Variants in RAB40B observed in about 807,000 individuals in gnomAD.
RAB40B encodes RAB40B, member RAS oncogene family, also known as ras-related protein Rab-40B.
RAB40B carries 21 observed loss-of-function variants against 24.0 expected under a neutral mutation model. The observed-to-expected ratio is 0.88, with a 90% CI of 0.62 to 1.26. RAB40B has a LOEUF of 1.26. Ranked by LOEUF, RAB40B falls within the 50% of genes most tolerant of loss-of-function variation. The pLI is 0.00. For synonymous variants in RAB40B, 167 were observed against 169.8 expected (o/e 0.98, Z 0.13); for missense variants, 348 against 390.5 (o/e 0.89, Z 0.92).
chr17:82,691,915 G>A (rs1367099046), intron 1 of RAB40B, among the ~76,000 whole-genome samples: 1 of 152,200 alleles, frequency 6.6e-6, no homozygotes, highest in Non-Finnish European at 1.5e-5. Flanking sequence ...ACGGAAATGG[G>A]GTCCAGGCCA....
chr17:82,656,854 A>T lies in RAB40B; in HGVS notation c.*1009T>A, dbSNP rs947087555. The T allele has an allele frequency of 1.3e-5, 2 of 152,166 alleles. No individual in the cohort carries two copies. Among genetic ancestry groups the T allele is most frequent in the African/African-American group, 4.8e-5 (2 of 41,404 alleles). The allele number at this position is 152,166 out of a possible 1,614,324, so 9.4% of individuals were successfully genotyped here. ...CATGGTGAAACCCCATCTCTACTAA[A>T]AATACAAAAATTAGCCGGGCGTGGT... On this transcript the variant is annotated 3_prime_UTR_variant, in exon 6 of 6. Coordinates refer to ENST00000571995, the MANE Select transcript of RAB40B (RefSeq NM_006822.3).
At chr17:82,677,343 C>T (rs2046404594) in intron 1 of RAB40B, among the ~76,000 whole-genome samples, 2 of 152,326 alleles carry the variant, frequency 1.3e-5, no homozygotes, top group East Asian at 1.9e-4. Flanking sequence ...CTCAGCCCAT[C>T]GTAAAAGCTC....
chr17:82,690,294 G>A (rs1240927477), intron 1 of RAB40B, among the ~76,000 whole-genome samples: 1 of 151,658 alleles, frequency 6.6e-6, no homozygotes, highest in Non-Finnish European at 1.5e-5. Context: ...GGGAAGATCT[G>A]CAGAATTGGA....
chr17:82,664,495 C>T lies in RAB40B; in HGVS notation c.203+1G>A. On this transcript the variant is annotated splice_donor_variant, in intron 2 of 5. Transcript: ENST00000571995. LOFTEE classifies it high-confidence loss of function. ...GACGCTCGCACCTCCTCCAGACTCA[C>T]CAGAGCTGCAGCTTCACCCGCCGCC... The T allele has an allele frequency of 6.2e-7, 1 of 1,613,086 alleles. No individual in the cohort carries two copies. Among genetic ancestry groups the T allele is most frequent in the Middle Eastern group, 1.7e-4 (1 of 5,770 alleles).
chr17:82,682,383 G>A (rs2046456337), intron 1 of RAB40B, among the ~76,000 whole-genome samples: 1 of 152,108 alleles, frequency 6.6e-6, no homozygotes, highest in Non-Finnish European at 1.5e-5. Context: ...TATATTAAAA[G>A]CTACAAACCA....
At chr17:82,689,438 C>G (rs901623294) in intron 1 of RAB40B, among the ~76,000 whole-genome samples, 7 of 152,164 alleles carry the variant, frequency 4.6e-5, no homozygotes, top group African/African-American at 1.7e-4. Flanking sequence ...CCTCTCCCAG[C>G]CTGTCACTGG....
chr17:82,660,031 C>T (rs2046142498), intron 3 of RAB40B, among the ~76,000 whole-genome samples: 1 of 152,226 alleles, frequency 6.6e-6, no homozygotes. Flanking sequence ...CACTTGTGCA[C>T]AGATGCACGC....
chr17:82,662,104 G>A lies in RAB40B; in HGVS notation c.204-1057C>T, dbSNP rs567552967. ...ACCTCACGGATGAGCGGTGGGACGC[G>A]GCATGGTTTTGCTGTTTGTGTCACA... On this transcript the variant is annotated intron_variant, in intron 2 of 5. Transcript: ENST00000571995. 3.5e-5 allele frequency: 34 copies of A among 985,396 alleles called. No homozygotes were observed. The East Asian group carries it at 1.8e-3, about 53-fold the overall frequency. 61.0% of individuals were successfully genotyped at this position (985,396 alleles called of 1,614,324 possible).
In RAB40B at chr17:82,675,974, G is replaced by T. The variant is rs2046389888; in HGVS notation, c.143-11418C>A. On this transcript the variant is annotated intron_variant, in intron 1 of 5. Coordinates refer to ENST00000571995, the MANE Select transcript of RAB40B (RefSeq NM_006822.3). The surrounding 1 kb of genome is among the most constrained non-coding windows in gnomAD (Gnocchi z 4.5). ...AAGCCCCTGGTACTCTGAGTCTCCTGGTACGGGACGGTGAGGACCCCACAG... is the reference window on the plus strand; with the variant it reads ...AAGCCCCTGGTACTCTGAGTCTCCTTGTACGGGACGGTGAGGACCCCACAG... Among the ~76,000 whole-genome samples the T allele has an allele frequency of 6.6e-6, 1 of 152,100 alleles. No homozygotes were observed. Among genetic ancestry groups the T allele is most frequent in the African/African-American group, 2.4e-5 (1 of 41,410 alleles).
intron 1 of RAB40B, among the ~76,000 whole-genome samples, chr17:82,670,316 C>T (rs2046318022): frequency 6.6e-6 from 1 of 151,400 alleles, no homozygotes; most frequent in Non-Finnish European, 1.5e-5. Context: ...TCCCGTGTAG[C>T]TGGAATTACA....
intron 1 of RAB40B, among the ~76,000 whole-genome samples, chr17:82,674,226 G>C (rs2046370425): frequency 6.6e-6 from 1 of 152,000 alleles, no homozygotes. Flanking sequence ...TGTAATCCCA[G>C]CCACTCAGGA....
At chr17:82,693,505 A>G (rs758625884) in intron 1 of RAB40B, among the ~76,000 whole-genome samples, 1 of 152,230 alleles carries the variant, frequency 6.6e-6, no homozygotes, top group Non-Finnish European at 1.5e-5. Context: ...AATCTACTAC[A>G]GGGAAACCTG....
chr17:82,658,769 C>T (rs746770745), intron 4 of RAB40B, 56 bp from the exon 5 acceptor site: 29 of 1,501,598 alleles, frequency 1.9e-5, no homozygotes, highest in Middle Eastern at 3.7e-4. Flanking sequence ...ATTTTGTTGT[C>T]GTCGTAATGT....
At chr17:82,658,891 G>A (rs1238667141) in intron 4 of RAB40B, 178 bp from the exon 5 acceptor site, 6 of 605,226 alleles carry the variant, frequency 9.9e-6, no homozygotes, top group East Asian at 5.6e-5. Flanking sequence ...CGGTGCGGCC[G>A]CACTGAATTA....
intron 1 of RAB40B, among the ~76,000 whole-genome samples, chr17:82,690,337 G>A (rs111580573): frequency 0.023 from 3,429 of 148,992 alleles, 153 homozygotes; most frequent in African/African-American, 0.081. Context: ...GTTCCTGGGA[G>A]CAGAGAGTGT....
intron 3 of RAB40B, 147 bp from the exon 4 acceptor site, chr17:82,659,804 T>C (rs1221010880): frequency 1.6e-6 from 1 of 641,238 alleles, no homozygotes; most frequent in Non-Finnish European, 2.8e-6. Context: ...ATGTAGCAGT[T>C]TTATGATCAT....
chr17:82,691,667 G>A (rs1030421834), intron 1 of RAB40B, among the ~76,000 whole-genome samples: 1 of 152,164 alleles, frequency 6.6e-6, no homozygotes, highest in Non-Finnish European at 1.5e-5. Context: ...GGGCGACAGA[G>A]CGAGACTCCA....
chr17:82,681,142 A>G (rs2046446233), intron 1 of RAB40B, among the ~76,000 whole-genome samples: 1 of 152,114 alleles, frequency 6.6e-6, no homozygotes, highest in Admixed American at 6.6e-5. Flanking sequence ...AGTTGCCAAA[A>G]CACTACATGT....
chr17:82,670,310 G>C (rs556844980), intron 1 of RAB40B, among the ~76,000 whole-genome samples: 2 of 150,988 alleles, frequency 1.3e-5, no homozygotes, highest in East Asian at 3.9e-4. Context: ...TCAGCGTCCC[G>C]TGTAGCTGGA....
Sources: allele counts gnomAD v4.1 joint callset (sites outside exome capture counted in the v4.1 genomes callset), GRCh38; gene constraint gnomAD v4.1.1; non-coding constraint Gnocchi (gnomAD v3.1); transcripts MANE v1.5; gene names NCBI Gene and HGNC (gene_info 2026-07-23, HGNC 2026-07-21).